ITGB5: variants seen among roughly 807,000 people sequenced by gnomAD.
ITGB5 encodes integrin beta-5.
A neutral mutation model predicts 84.8 loss-of-function variants in ITGB5; 38 were observed. The ratio of observed to expected loss-of-function variants is 0.45; its 90% CI spans 0.35 to 0.59. The LOEUF (loss-of-function observed/expected upper bound fraction) is 0.59, where lower values mean the gene tolerates loss of function less well. Ranked by LOEUF, ITGB5 falls within the 20% of genes least tolerant of loss-of-function variation. The pLI, the probability that ITGB5 is intolerant of heterozygous loss-of-function variation, is 0.01. For synonymous variants in ITGB5, 393 were observed against 414.4 expected (o/e 0.95, Z 0.63); for missense variants, 905 against 1,034.5 (o/e 0.87, Z 1.72).
At chr3:124,848,708 G>T in intron 3 of ITGB5, 150 bp from the exon 4 acceptor site, 1 of 776,558 alleles carries the variant, frequency 1.3e-6, no homozygotes, top group Non-Finnish European at 2.0e-6. Flanking sequence ...TAAAGTGCCT[G>T]AAGGGAATAC....
At chr3:124,834,871 G>A (rs1287220394) in intron 5 of ITGB5, among the ~76,000 whole-genome samples, 1 of 152,200 alleles carries the variant, frequency 6.6e-6, no homozygotes, top group Non-Finnish European at 1.5e-5. Flanking sequence ...CACAGGCAGA[G>A]AGCCTTGCAA....
chr3:124,865,980 C>T (rs1044749911), intron 2 of ITGB5, among the ~76,000 whole-genome samples: 10 of 151,988 alleles, frequency 6.6e-5, no homozygotes, highest in African/African-American at 2.4e-4. Context: ...TATGTTAACA[C>T]CTGACTCCAT....
intron 5 of ITGB5, among the ~76,000 whole-genome samples, chr3:124,836,130 C>G (rs1277013267): frequency 6.6e-6 from 1 of 151,804 alleles, no homozygotes; most frequent in Non-Finnish European, 1.5e-5. Flanking sequence ...TCCATGGAGG[C>G]AGCCGATAAC....
chr3:124,842,403 C>G (rs1439743708), intron 4 of ITGB5, among the ~76,000 whole-genome samples: 3 of 152,134 alleles, frequency 2.0e-5, no homozygotes, highest in Admixed American at 6.5e-5. Context: ...TGATCTAGAA[C>G]TAATAAAGTT....
chr3:124,855,495 T>C (rs848792), intron 3 of ITGB5, among the ~76,000 whole-genome samples: 27,462 of 152,126 alleles, frequency 0.18, 2,623 homozygotes, highest in Admixed American at 0.21. Context: ...TCTTTGTAAA[T>C]GTTAAAATTA....
At chr3:124,778,503 C>T (rs1232332399) in intron 10 of ITGB5, among the ~76,000 whole-genome samples, 1 of 152,218 alleles carries the variant, frequency 6.6e-6, no homozygotes, top group Non-Finnish European at 1.5e-5. Context: ...CATCGACGCT[C>T]TGTGGAGGTC....
chr3:124,818,481 C>T lies in ITGB5; in HGVS notation c.1039-771G>A, dbSNP rs773756157. ...AATTGAGCCCTCTAAAAACATAAAA[C>T]GTTATTTGTAAGTGCATAGGCTTTT... On this transcript the variant is annotated intron_variant, in intron 7 of 14. Coordinates refer to ENST00000296181, the MANE Select transcript of ITGB5 (RefSeq NM_002213.5). Among the ~76,000 whole-genome samples, 109 of 138,784 alleles carry T rather than the reference C, an allele frequency of 7.9e-4. 1 individual carries two copies. The highest frequency in any genetic ancestry group is 1.3e-3 in the Non-Finnish European group (84 of 65,244). 91.0% of individuals were successfully genotyped at this position (138,784 alleles called of 152,430 possible).
intron 9 of ITGB5, among the ~76,000 whole-genome samples, chr3:124,801,567 G>A (rs559707977): frequency 1.4e-4 from 22 of 152,236 alleles, no homozygotes; most frequent in African/African-American, 4.6e-4. Context: ...CATACGGGCC[G>A]TGTCCTTGTC....
At chr3:124,869,180 C>T (rs1386912251) in intron 2 of ITGB5, among the ~76,000 whole-genome samples, 2 of 152,194 alleles carry the variant, frequency 1.3e-5, no homozygotes, top group Non-Finnish European at 2.9e-5. Flanking sequence ...AGTGTACACA[C>T]ACATCACATG....
chr3:124,787,119 C>G (rs2064092487), intron 10 of ITGB5, among the ~76,000 whole-genome samples: 2 of 152,260 alleles, frequency 1.3e-5, no homozygotes, highest in Non-Finnish European at 2.9e-5. Context: ...AACCTCGTGA[C>G]CTTAAGCACC....
intron 12 of ITGB5, among the ~76,000 whole-genome samples, chr3:124,767,111 T>C (rs975251834): frequency 5.9e-5 from 9 of 152,194 alleles, no homozygotes; most frequent in African/African-American, 2.2e-4. Context: ...GGGCTGTTTT[T>C]TGGAGAGAAA....
chr3:124,835,284 A>AG, intron 5 of ITGB5, among the ~76,000 whole-genome samples: 1 of 152,370 alleles, frequency 6.6e-6, no homozygotes, highest in African/African-American at 2.4e-5. Flanking sequence ...AGGCAGAGCC[A>AG]GGAAACCACG....
intron 9 of ITGB5, among the ~76,000 whole-genome samples, chr3:124,799,541 C>CA (rs2064284921): frequency 6.6e-6 from 1 of 151,746 alleles, no homozygotes; most frequent in Admixed American, 6.6e-5. Flanking sequence ...GCCTGGACGA[C>CA]AGAGTGAGAT....
intron 1 of ITGB5, among the ~76,000 whole-genome samples, chr3:124,880,136 T>C (rs1934504729): frequency 6.6e-6 from 1 of 152,026 alleles, no homozygotes; most frequent in African/African-American, 2.4e-5. Flanking sequence ...CTTAAAACTG[T>C]CAAGGTCATA....
upstream of ITGB5, among the ~76,000 whole-genome samples, chr3:124,891,208 A>G (rs904132831): frequency 2.6e-5 from 4 of 152,212 alleles, no homozygotes; most frequent in Non-Finnish European, 5.9e-5. Context: ...CAACAACTCT[A>G]GTTCTGGGTA....
intron 8 of ITGB5, among the ~76,000 whole-genome samples, chr3:124,811,667 A>G (rs868481641): frequency 6.6e-5 from 10 of 152,318 alleles, no homozygotes; most frequent in Middle Eastern, 3.4e-3. Context: ...ATGGACTCTT[A>G]TGTTCTACTC....
rs1934027773 is a variant in ITGB5, at chr3:124,871,189, G to C, written c.156+2257C>G. Among the ~76,000 whole-genome samples the C allele has an allele frequency of 2.0e-5, 3 of 151,558 alleles. No individual in the cohort carries two copies. In the South Asian group the frequency reaches 6.3e-4, roughly 32 times the overall value. On this transcript the variant is annotated intron_variant, in intron 2 of 14. Coordinates refer to ENST00000296181, the MANE Select transcript of ITGB5 (RefSeq NM_002213.5). ...TACAGGTGTGAGCCACTGCACACCA[G>C]GCCTGAATTGATTCTTTTTTTTTGA...
intron 5 of ITGB5, among the ~76,000 whole-genome samples, chr3:124,837,021 A>C (rs889992107): frequency 7.9e-5 from 12 of 152,202 alleles, no homozygotes; most frequent in African/African-American, 2.7e-4. Flanking sequence ...GGTTGCACTG[A>C]TTTATTTTCT....
chr3:124,862,474 C>T (rs1020417187), intron 2 of ITGB5: 1 of 152,200 alleles, frequency 6.6e-6, no homozygotes, highest in Non-Finnish European at 1.5e-5. Flanking sequence ...TTCCCAACAT[C>T]CTGCTCAAAG....
Sources: gnomAD v4.1 joint callset for allele counts (sites outside exome capture counted in the v4.1 genomes callset) on GRCh38, gnomAD v4.1.1 for gene constraint, MANE v1.5 for transcripts, NCBI Gene and HGNC (gene_info 2026-07-23, HGNC 2026-07-21) for gene names.